SCN8A: variants seen among roughly 807,000 people sequenced by gnomAD.
SCN8A encodes the protein sodium channel protein type 8 subunit alpha.
SCN8A carries 30 observed loss-of-function variants against 184.1 expected under a neutral mutation model. That is an observed-to-expected ratio of 0.16 (90% CI 0.12 to 0.22). The LOEUF (loss-of-function observed/expected upper bound fraction) is 0.22, where lower values mean the gene tolerates loss of function less well. SCN8A is among the 10% of genes least tolerant of loss of function. The probability of loss-of-function intolerance (pLI) is 1.00; values close to 1 mark genes in which losing one functional copy is unlikely to be tolerated. For synonymous variants in SCN8A, 852 were observed against 907.0 expected (o/e 0.94, Z 1.09); for missense variants, 1,057 against 2,498.9 (o/e 0.42, Z 12.30).
rs1038198905 is a variant in SCN8A at position 51,765,847 on chromosome 12, G to C, written c.2721G>C (p.Lys907Asn). The C allele has an allele frequency of 4.3e-6, 7 of 1,613,948 alleles. No individual in the cohort carries two copies. In the Admixed American group the frequency reaches 5.0e-5, roughly 12 times the overall value. The change falls in exon 16 of 27, where the codon AAG becomes AAC. Residue 907 changes from lysine (K) to asparagine (N), a missense_variant. Coordinates refer to ENST00000627620, the MANE Select transcript of SCN8A (RefSeq NM_001330260.2). ...AAAGCTACAAAGAGTGTGTCTGCAA[G>C]ATCAACCAGGACTGTGAACTCCCTC... ...FGKSYKECVCKINQDCELPRW... is the reference protein window; with the variant it reads ...FGKSYKECVCNINQDCELPRW...
At chr12:51,651,080 G>A (rs1482406363) in intron 1 of SCN8A, among the ~76,000 whole-genome samples, 2 of 152,220 alleles carry the variant, frequency 1.3e-5, no homozygotes, top group East Asian at 3.9e-4. Context: ...TGTGGTTTAA[G>A]AATGCCTTTA....
intron 1 of SCN8A, among the ~76,000 whole-genome samples, chr12:51,622,566 T>G (rs952785985): frequency 1.3e-5 from 2 of 152,328 alleles, no homozygotes; most frequent in East Asian, 3.9e-4. Context: ...ACTGGGGTTA[T>G]GGATTTTTGG....
intron 11 of SCN8A, among the ~76,000 whole-genome samples, chr12:51,718,450 A>AACAG (rs1942000873): frequency 6.6e-6 from 1 of 151,434 alleles, no homozygotes; most frequent in Non-Finnish European, 1.5e-5. Flanking sequence ...TATTTCTGTT[A>AACAG]TGAGTGAAAC....
chr12:51,708,008 C>G (rs535625102), intron 11 of SCN8A, among the ~76,000 whole-genome samples: 8 of 152,310 alleles, frequency 5.3e-5, no homozygotes, highest in African/African-American at 1.9e-4. Context: ...CCTCCCTTCT[C>G]TGATGTAAAA....
chr12:51,654,613 T>A (rs1565875292), intron 1 of SCN8A, among the ~76,000 whole-genome samples: 5 of 152,180 alleles, frequency 3.3e-5, no homozygotes, highest in Admixed American at 2.6e-4. Context: ...AGTTTTGATA[T>A]CAGGAAATGT....
intron 11 of SCN8A, chr12:51,713,251 G>T: frequency 1.8e-6 from 2 of 1,135,786 alleles, no homozygotes; most frequent in Middle Eastern, 1.9e-4. Context: ...ATGGGCACCA[G>T]GCTTCACAGA....
At chr12:51,719,798 C>A (rs1039870959) in intron 11 of SCN8A, among the ~76,000 whole-genome samples, 1 of 146,612 alleles carries the variant, frequency 6.8e-6, no homozygotes, top group Non-Finnish European at 1.5e-5. Flanking sequence ...AATTCTTGGC[C>A]GGGCGCGGTG....
At chr12:51,788,780 CT>C in intron 23 of SCN8A, 32 bp downstream of exon 23, 1 of 1,593,100 alleles carries the variant, frequency 6.3e-7, no homozygotes, top group Non-Finnish European at 8.6e-7. Flanking sequence ...ATACCACCTT[CT>C]CAGATGGCTG....
chr12:51,707,668 T>C (rs947037489), intron 11 of SCN8A, among the ~76,000 whole-genome samples: 2 of 152,194 alleles, frequency 1.3e-5, no homozygotes, highest in African/African-American at 4.8e-5. Context: ...TTTTGCATCC[T>C]TCAGTCCAAC....
chr12:51,809,171 T>G lies in SCN8A; in HGVS notation c.*1742T>G, dbSNP rs535755337. ...GCGTCATATCTTCCATTCCATCTCCTGCTTTAGGAAAGACAGTTTTTAGTC... is the reference window on the plus strand; with the variant it reads ...GCGTCATATCTTCCATTCCATCTCCGGCTTTAGGAAAGACAGTTTTTAGTC... On this transcript the variant is annotated 3_prime_UTR_variant, in exon 27 of 27. Coordinates refer to ENST00000627620, the MANE Select transcript of SCN8A (RefSeq NM_001330260.2). 20 of 152,330 alleles carry G rather than the reference T, an allele frequency of 1.3e-4. No homozygotes were observed. The highest frequency in any genetic ancestry group is 4.3e-4 in the African/African-American group (18 of 41,576). 9.4% of individuals were successfully genotyped at this position (152,330 alleles called of 1,614,324 possible).
At chr12:51,609,277 G>A (rs115692430) in intron 1 of SCN8A, among the ~76,000 whole-genome samples, 7,137 of 152,206 alleles carry the variant, frequency 0.047, 192 homozygotes, top group South Asian at 0.077. Flanking sequence ...GTTTAAATCC[G>A]TTGTTAAATG....
At chr12:51,738,619 C>T (rs1325995028) in intron 12 of SCN8A, among the ~76,000 whole-genome samples, 1 of 152,216 alleles carries the variant, frequency 6.6e-6, no homozygotes, top group Non-Finnish European at 1.5e-5. Flanking sequence ...TTTTCCCATT[C>T]CCACATATGG....
At chr12:51,742,822 C>T (rs1424821479) in intron 12 of SCN8A, among the ~76,000 whole-genome samples, 1 of 152,088 alleles carries the variant, frequency 6.6e-6, no homozygotes, top group Non-Finnish European at 1.5e-5. Context: ...CTTTTTAAGG[C>T]CAATAACTCT....
rs901291778 is a variant in SCN8A at position 51,778,036 on chromosome 12, A to T, written c.3820-2613A>T. On this transcript the variant is annotated intron_variant, in intron 20 of 26. Coordinates refer to ENST00000627620, the MANE Select transcript of SCN8A (RefSeq NM_001330260.2). ...TCCATATAAATTCTTATTGATAATG[A>T]TGGATAGATGGAGAGAAAGGGATTA... 2.0e-5 allele frequency among the ~76,000 whole-genome samples: 3 copies of T among 152,312 alleles called. No individual in the cohort carries two copies. The East Asian group carries it at 5.8e-4, about 29-fold the overall frequency.
At chr12:51,593,450 T>C (rs986690774) in intron 1 of SCN8A, among the ~76,000 whole-genome samples, 1 of 152,154 alleles carries the variant, frequency 6.6e-6, no homozygotes, top group African/African-American at 2.4e-5. Context: ...ATCAAAATCT[T>C]TGGAGGATTT....
intron 12 of SCN8A, among the ~76,000 whole-genome samples, chr12:51,728,883 T>C (rs7968363): frequency 0.017 from 2,588 of 152,232 alleles, 61 homozygotes; most frequent in African/African-American, 0.059. Flanking sequence ...TGTCCCACTT[T>C]TTATTACCTT....
At chr12:51,786,889 C>G (rs767281044) in intron 22 of SCN8A, 63 bp downstream of exon 22, 2 of 1,467,224 alleles carry the variant, frequency 1.4e-6, no homozygotes, top group Non-Finnish European at 1.8e-6. Flanking sequence ...AGCACAAATC[C>G]CATTTGGCTT....
intron 1 of SCN8A, among the ~76,000 whole-genome samples, chr12:51,645,903 G>A (rs1940574627): frequency 7.0e-6 from 1 of 142,812 alleles, no homozygotes; most frequent in East Asian, 2.0e-4. Context: ...ATTGTCCTGT[G>A]ACCCTGCCAA....
intron 24 of SCN8A, among the ~76,000 whole-genome samples, chr12:51,790,045 G>A (rs1181562501): frequency 6.6e-6 from 1 of 152,200 alleles, no homozygotes; most frequent in Non-Finnish European, 1.5e-5. Flanking sequence ...ATTCTAAAAT[G>A]TGTTTTCTAG....
Sources: gnomAD v4.1 joint callset for allele counts (sites outside exome capture counted in the v4.1 genomes callset) on GRCh38, gnomAD v4.1.1 for gene constraint, MANE v1.5 for transcripts, NCBI Gene and HGNC (gene_info 2026-07-23, HGNC 2026-07-21) for gene names.